SHANK2: variants seen among roughly 807,000 people sequenced by gnomAD.
The protein encoded by SHANK2 is SH3 and multiple ankyrin repeat domains 2, also known as SH3 and multiple ankyrin repeat domains protein 2.
Under a neutral mutation model 133.7 loss-of-function variants are expected in SHANK2, and 43 were observed. That is an observed-to-expected ratio of 0.32 (90% CI 0.25 to 0.41). The LOEUF (loss-of-function observed/expected upper bound fraction) is 0.41, where lower values mean the gene tolerates loss of function less well. Ranked by LOEUF, SHANK2 falls within the 10% of genes least tolerant of loss-of-function variation. The pLI, the probability that SHANK2 is intolerant of heterozygous loss-of-function variation, is 1.00. For missense variants in SHANK2, 1,994 were observed against 2,235.8 expected (o/e 0.89, Z 2.18); for synonymous variants, 1,017 against 952.8 (o/e 1.07, Z -1.24).
At chr11:70,599,293 A>G (rs1233917512) in intron 17 of SHANK2, among the ~76,000 whole-genome samples, 4 of 152,146 alleles carry the variant, frequency 2.6e-5, no homozygotes, top group African/African-American at 9.7e-5. Flanking sequence ...CTTTGTGGAG[A>G]TACTTAAAAA....
rs781912965 is a variant in SHANK2, at chr11:70,473,069, G to A, written c.5350C>T (p.His1784Tyr). ...GCCACATCTGGTTTAGTCCACAGGT[G>A]GACAGGTTTAGTTGTAAAAGGCTTA... is the stretch of plus-strand genomic sequence containing the variant. The part of the protein sequence containing the change: ...SNKPFTTKPV[H>Y]LWTKPDVADW... Residue 1784 changes from histidine to tyrosine, a missense_variant, in exon 26 of 26, where the codon CAC (histidine) becomes TAC (tyrosine). Physicochemically the swap from His to Tyr is moderately conservative, Grantham distance 83 (BLOSUM62 2). Transcript: ENST00000601538. The surrounding 1 kb of genome is among the most constrained non-coding windows in gnomAD (Gnocchi z 5.9). The A allele has an allele frequency of 1.2e-6, 2 of 1,614,234 alleles. No individual in the cohort carries two copies. Among genetic ancestry groups the A allele is most frequent in the South Asian group, 1.1e-5 (1 of 91,082 alleles).
chr11:70,498,919 G>A (rs2059010750), intron 21 of SHANK2, among the ~76,000 whole-genome samples: 1 of 152,078 alleles, frequency 6.6e-6, no homozygotes, highest in Non-Finnish European at 1.5e-5. Context: ...ACCTCATCTT[G>A]ATTAGATCTA....
intron 6 of SHANK2, among the ~76,000 whole-genome samples, chr11:71,096,763 A>C (rs1283323202): frequency 2.0e-5 from 3 of 152,256 alleles, no homozygotes; most frequent in Non-Finnish European, 4.4e-5. Context: ...CCCAATGCAA[A>C]AAGGCAGTCC....
chr11:70,666,978 G>T (rs1555014968), intron 15 of SHANK2, among the ~76,000 whole-genome samples: 1 of 152,050 alleles, frequency 6.6e-6, no homozygotes, highest in Non-Finnish European at 1.5e-5. Flanking sequence ...GCTTGCAGCA[G>T]GAGCTGTGGA....
At chr11:71,068,039 G>A (rs938145797) in intron 9 of SHANK2, among the ~76,000 whole-genome samples, 6 of 150,064 alleles carry the variant, frequency 4.0e-5, no homozygotes, top group East Asian at 2.0e-4. Flanking sequence ...CGCCACCATC[G>A]CCATCACAAC....
chr11:71,211,557 C>T (rs1954282801), intron 2 of SHANK2, among the ~76,000 whole-genome samples: 1 of 146,280 alleles, frequency 6.8e-6, no homozygotes, highest in South Asian at 2.2e-4. Context: ...TAAATAAATA[C>T]AATAAATAAA....
At chr11:70,682,729 C>T (rs1945054531) in intron 15 of SHANK2, among the ~76,000 whole-genome samples, 1 of 152,094 alleles carries the variant, frequency 6.6e-6, no homozygotes. Context: ...GGCCTGGAGC[C>T]CTTGTCCTCC....
At chr11:71,132,626 C>T (rs1952339596) in intron 3 of SHANK2, among the ~76,000 whole-genome samples, 1 of 152,158 alleles carries the variant, frequency 6.6e-6, no homozygotes, top group African/African-American at 2.4e-5. Flanking sequence ...AAAGCACGAA[C>T]CCAATACGTA....
intron 2 of SHANK2, among the ~76,000 whole-genome samples, chr11:71,178,881 G>A (rs1325071790): frequency 6.6e-6 from 1 of 152,164 alleles, no homozygotes; most frequent in Non-Finnish European, 1.5e-5. Flanking sequence ...TACTCAGCAG[G>A]CTGAGGCATG....
At chr11:70,603,656 A>G (rs1465087526) in intron 17 of SHANK2, 1 of 152,566 alleles carries the variant, frequency 6.6e-6, no homozygotes, top group Non-Finnish European at 1.5e-5. Flanking sequence ...TGCCTCCTCC[A>G]TGCTAGGCAG....
intron 6 of SHANK2, 53 bp downstream of exon 6, chr11:71,109,888 C>A (rs1402770320): frequency 4.4e-6 from 5 of 1,126,744 alleles, no homozygotes; most frequent in Non-Finnish European, 6.6e-6. Context: ...AGTGGGCTGG[C>A]CTTCTCTACG....
intron 1 of SHANK2, among the ~76,000 whole-genome samples, chr11:71,229,765 GAAAA>G (rs55730780): frequency 7.7e-5 from 9 of 116,564 alleles, no homozygotes; most frequent in East Asian, 2.5e-4. Context: ...TCTCAAAAAA[GAAAA>G]AAAAAAAAAA....
intron 13 of SHANK2, among the ~76,000 whole-genome samples, chr11:70,801,840 C>T (rs983876200): frequency 3.3e-5 from 5 of 152,132 alleles, no homozygotes; most frequent in African/African-American, 1.2e-4. Context: ...TGGAGTCCTG[C>T]CTTGCTCTTG....
chr11:70,504,820 G>T (rs974568252), intron 17 of SHANK2, among the ~76,000 whole-genome samples: 14 of 152,128 alleles, frequency 9.2e-5, no homozygotes, highest in African/African-American at 3.4e-4. Flanking sequence ...ACCTCAGCTT[G>T]CAGGACCCTC....
At chr11:71,219,631 C>T (rs1330098039) in intron 2 of SHANK2, among the ~76,000 whole-genome samples, 6 of 152,048 alleles carry the variant, frequency 3.9e-5, no homozygotes, top group Admixed American at 3.3e-4. Flanking sequence ...TGGCTCACAC[C>T]TGTAATCCCA....
chr11:70,870,215 C>T (rs1555069917), intron 11 of SHANK2, among the ~76,000 whole-genome samples: 1 of 152,132 alleles, frequency 6.6e-6, no homozygotes, highest in African/African-American at 2.4e-5. Context: ...TGCTCCACTT[C>T]GTTCCAGGGG....
chr11:71,246,582 A>G (rs185176177), intron 1 of SHANK2, among the ~76,000 whole-genome samples: 80 of 152,230 alleles, frequency 5.3e-4, no homozygotes, highest in African/African-American at 1.7e-3. Flanking sequence ...ACTGAGGTGC[A>G]AGGACCCTTT....
intron 2 of SHANK2, among the ~76,000 whole-genome samples, chr11:71,210,632 A>G (rs1487449152): frequency 2.0e-5 from 3 of 152,040 alleles, no homozygotes; most frequent in Non-Finnish European, 4.4e-5. Context: ...AGACTGTTCC[A>G]CAAGTGTCAG....
In SHANK2 at chr11:70,581,793, C is replaced by A. The variant is rs558775728; in HGVS notation, c.2061+78035G>T. Reference sequence around the variant, plus strand: ...TTCCATGAGTATAGAGAGTCCAGCCCTGGAACTGGAGGAACTCACCCCAAG... The same window carrying A: ...TTCCATGAGTATAGAGAGTCCAGCCATGGAACTGGAGGAACTCACCCCAAG... On this transcript the variant is annotated intron_variant, in intron 17 of 25. Coordinates refer to ENST00000601538, the MANE Select transcript of SHANK2 (RefSeq NM_012309.5). Among the ~76,000 whole-genome samples the A allele has an allele frequency of 2.0e-5, 3 of 152,324 alleles. No individual in the cohort carries two copies. The South Asian group carries it at 6.2e-4, about 32-fold the overall frequency.
Sources: gnomAD v4.1 joint callset for allele counts (sites outside exome capture counted in the v4.1 genomes callset) on GRCh38, gnomAD v4.1.1 for gene constraint, Gnocchi (gnomAD v3.1) non-coding constraint, MANE v1.5 for transcripts, NCBI Gene and HGNC (gene_info 2026-07-23, HGNC 2026-07-21) for gene names.